The following BLTP3B variants were observed in gnomAD, a reference collection of about 807,000 sequenced individuals.
BLTP3B encodes the protein bridge-like lipid transfer protein family member 3B.
At chr12:100,112,861 A>G in the BLTP3B span, among the ~76,000 whole-genome samples, 2 of 148,942 alleles carry the variant, frequency 1.3e-5, no homozygotes, top group African/African-American at 4.9e-5. Flanking sequence ...TCCATCTCAA[A>G]AAAAAAAAAA....
chr12:100,115,053 G>A, the BLTP3B span, among the ~76,000 whole-genome samples: 2 of 152,122 alleles, frequency 1.3e-5, no homozygotes, highest in African/African-American at 2.4e-5. Flanking sequence ...ACAAAAAAAA[G>A]GTGCAAAATT....
the BLTP3B span, among the ~76,000 whole-genome samples, chr12:100,100,990 T>A: frequency 6.6e-6 from 1 of 152,196 alleles, no homozygotes; most frequent in Non-Finnish European, 1.5e-5. Context: ...TTATAAAGCT[T>A]ATGATACTAT....
At chr12:100,062,400 CAG>C in the BLTP3B span, among the ~76,000 whole-genome samples, 2 of 152,228 alleles carry the variant, frequency 1.3e-5, no homozygotes, top group East Asian at 3.9e-4. Flanking sequence ...TTGTTCAAAA[CAG>C]AGATAATGAA....
the BLTP3B span, among the ~76,000 whole-genome samples, chr12:100,062,898 C>T: frequency 1.2e-4 from 18 of 151,322 alleles, no homozygotes; most frequent in East Asian, 1.6e-3. Context: ...GAGTTTGAGA[C>T]GGCAGTGAGC....
chr12:100,114,138 G>A, the BLTP3B span, among the ~76,000 whole-genome samples: 417 of 152,172 alleles, frequency 2.7e-3, 1 homozygote, highest in African/African-American at 9.7e-3. Context: ...ATACCTCTTG[G>A]AGTGGCTACC....
At chr12:100,072,131 G>A in the BLTP3B span, among the ~76,000 whole-genome samples, 2 of 152,056 alleles carry the variant, frequency 1.3e-5, no homozygotes, top group Non-Finnish European at 2.9e-5. Flanking sequence ...GCCTGGTGGT[G>A]CATGCCTGTA....
At chr12:100,057,171 G>C in the BLTP3B span, among the ~76,000 whole-genome samples, 1 of 152,288 alleles carries the variant, frequency 6.6e-6, no homozygotes, top group East Asian at 1.9e-4. Flanking sequence ...CTCTGTAATA[G>C]AGGCTGGTAG....
chr12:100,101,495 A>C, the BLTP3B span, among the ~76,000 whole-genome samples: 1 of 152,240 alleles, frequency 6.6e-6, no homozygotes, highest in Non-Finnish European at 1.5e-5. Context: ...CAATATGAGG[A>C]GGCATTAATC....
At chr12:100,059,736 A>C in the BLTP3B span, 2 of 1,221,794 alleles carry the variant, frequency 1.6e-6, no homozygotes, top group Non-Finnish European at 2.3e-6. Flanking sequence ...TAAGAAGAGA[A>C]TCTTTTTAAA....
At chr12:100,050,047 A>C in the BLTP3B span, 11 of 1,020,124 alleles carry the variant, frequency 1.1e-5, no homozygotes, top group Non-Finnish European at 1.5e-5. Context: ...ACTAATAATA[A>C]GTAAATGTAA....
the BLTP3B span, among the ~76,000 whole-genome samples, chr12:100,105,799 A>C: frequency 3.9e-5 from 6 of 152,158 alleles, no homozygotes; most frequent in African/African-American, 1.4e-4. Context: ...AAATATGCAC[A>C]AATTATGTGT....
the BLTP3B span, among the ~76,000 whole-genome samples, chr12:100,071,604 T>C: frequency 1.3e-5 from 2 of 151,406 alleles, no homozygotes; most frequent in South Asian, 4.2e-4. Context: ...GTTAGGAAGC[T>C]AAAGAGTTTT....
the BLTP3B span, among the ~76,000 whole-genome samples, chr12:100,094,813 T>C: frequency 2.2e-4 from 33 of 152,278 alleles, 1 homozygote; most frequent in East Asian, 6.0e-3. Context: ...TGAGCTGAGA[T>C]TGTGCCAGTG....
chr12:100,139,457 A>C, the BLTP3B span, among the ~76,000 whole-genome samples: 2 of 152,156 alleles, frequency 1.3e-5, no homozygotes, highest in Non-Finnish European at 2.9e-5. Context: ...TCCTCCCCCC[A>C]TACAATAACT....
At chr12:100,051,162 C>G in the BLTP3B span, 1 of 1,614,078 alleles carries the variant, frequency 6.2e-7, no homozygotes, top group East Asian at 2.2e-5. Context: ...TGTAGGTTTG[C>G]ACCAGCATTC....
the BLTP3B span, among the ~76,000 whole-genome samples, chr12:100,060,242 C>T: frequency 6.6e-6 from 1 of 151,968 alleles, no homozygotes; most frequent in African/African-American, 2.4e-5. Flanking sequence ...CCATGCCTAA[C>T]TGAAAAAATG....
At chr12:100,124,936 TTATA>T in the BLTP3B span, among the ~76,000 whole-genome samples, 256 of 56,478 alleles carry the variant, frequency 4.5e-3, 2 homozygotes, top group East Asian at 0.029. Flanking sequence ...AAAAAAAATT[TTATA>T]TATATATATA....
chr12:100,059,595 G>T, the BLTP3B span: 1 of 1,479,344 alleles, frequency 6.8e-7, no homozygotes, highest in South Asian at 1.4e-5. Context: ...GAAGATAAAA[G>T]AACATGACTT....
the BLTP3B span, among the ~76,000 whole-genome samples, chr12:100,048,757 A>AGAGT: frequency 1.5e-5 from 2 of 133,226 alleles, no homozygotes; most frequent in African/African-American, 3.0e-5. Flanking sequence ...AGAGAGAGAG[A>AGAGT]GAGAGTGAGA....
Sources: gnomAD v4.1 joint callset for allele counts (sites outside exome capture counted in the v4.1 genomes callset) on GRCh38, gnomAD v4.1.1 for gene constraint, MANE v1.5 for transcripts, NCBI Gene and HGNC (gene_info 2026-07-23, HGNC 2026-07-21) for gene names.